The following ZNF667 variants were observed in gnomAD, a reference collection of about 807,000 sequenced individuals.
ZNF667 encodes myocardial ischemic preconditioning upregulated 1 ortholog.
A neutral mutation model predicts 31.8 loss-of-function variants in ZNF667; 13 were observed. The observed-to-expected ratio is 0.41, with a 90% confidence interval of 0.27 to 0.65. ZNF667 has a LOEUF of 0.65. ZNF667 is among the 30% of genes least tolerant of loss of function. The pLI is 0.32. For missense variants in ZNF667, 642 were observed against 725.6 expected (o/e 0.88, Z 1.32); for synonymous variants, 228 against 247.1 (o/e 0.92, Z 0.73).
At chr19:56,471,166 G>T (rs927804682) in intron 3 of ZNF667, among the ~76,000 whole-genome samples, 1 of 151,632 alleles carries the variant, frequency 6.6e-6, no homozygotes, top group Non-Finnish European at 1.5e-5. Flanking sequence ...CACCCCCCCT[G>T]CCTCTTTCTC....
intron 3 of ZNF667, among the ~76,000 whole-genome samples, chr19:56,463,427 G>C (rs1203205779): frequency 1.3e-5 from 2 of 152,178 alleles, no homozygotes; most frequent in Admixed American, 6.5e-5. Context: ...TCTCTGCCCT[G>C]TATCAGTCTA....
rs2042574641 is a variant in ZNF667 at position 56,440,215 on chromosome 19, A to G, written c.*947T>C. ...TATAAATATAGATGATTTATTTCCA[A>G]ATAAAACAATACTGATTTCTCCTGG... On this transcript the variant is annotated 3_prime_UTR_variant, in exon 7 of 7. Transcript: ENST00000504904. 1 of 152,178 alleles carries G rather than the reference A, an allele frequency of 6.6e-6. No individual in the cohort carries two copies. The highest frequency in any genetic ancestry group is 1.5e-5 in the Non-Finnish European group (1 of 68,028). The allele number at this position is 152,178 out of a possible 1,614,324, so 9.4% of individuals were successfully genotyped here. A position where few individuals can be genotyped will look rare whatever the true frequency, so the allele number is the denominator to read the frequency against.
chr19:56,455,886 T>C (rs1221729488), intron 6 of ZNF667, among the ~76,000 whole-genome samples: 2 of 152,124 alleles, frequency 1.3e-5, no homozygotes, highest in African/African-American at 2.4e-5. Flanking sequence ...CCTGTAAATA[T>C]TAATATATAC....
chr19:56,466,624 C>A (rs2043165992), intron 3 of ZNF667, among the ~76,000 whole-genome samples: 1 of 152,092 alleles, frequency 6.6e-6, no homozygotes, highest in Non-Finnish European at 1.5e-5. Flanking sequence ...CTCACAAGGC[C>A]CCTGCTATAA....
At chr19:56,476,317 G>A (rs908653899) in intron 1 of ZNF667, among the ~76,000 whole-genome samples, 9 of 152,190 alleles carry the variant, frequency 5.9e-5, no homozygotes, top group Non-Finnish European at 8.8e-5. Flanking sequence ...GAAAACTGAC[G>A]ACGCAGGTGG....
At chr19:56,463,756 G>A (rs911005514) in intron 3 of ZNF667, among the ~76,000 whole-genome samples, 3 of 152,052 alleles carry the variant, frequency 2.0e-5, no homozygotes, top group Non-Finnish European at 4.4e-5. Context: ...AAACTCCTGG[G>A]CTCAAGCAAT....
chr19:56,462,353 C>G lies in ZNF667; in HGVS notation c.18G>C (p.Gly6=). Reference sequence around the variant, plus strand: ...TGCCACTTACCTTGGATTTGGATTTCCCCCGTGCAGAAGGCATCCTTTCCT... The same window carrying G: ...TGCCACTTACCTTGGATTTGGATTTGCCCCGTGCAGAAGGCATCCTTTCCT... MPSAR[G]KSKSKAPITF... is the part of the protein sequence containing the mutation. Residue 6 remains glycine (G), a synonymous_variant, in exon 4 of 7, where the codon GGG becomes GGC. Coordinates refer to ENST00000504904, the MANE Select transcript of ZNF667 (RefSeq NM_001321356.2). 6.2e-7 allele frequency: 1 copy of G among 1,614,152 alleles called. No individual in the cohort carries two copies. The highest frequency in any genetic ancestry group is 8.5e-7 in the Non-Finnish European group (1 of 1,180,014).
intron 6 of ZNF667, among the ~76,000 whole-genome samples, chr19:56,455,990 T>C (rs2042924290): frequency 6.6e-6 from 1 of 152,142 alleles, no homozygotes; most frequent in African/African-American, 2.4e-5. Context: ...GGACAGGAGA[T>C]CCTAGGCAAG....
At chr19:56,444,650 C>G in intron 6 of ZNF667, among the ~76,000 whole-genome samples, 1 of 105,188 alleles carries the variant, frequency 9.5e-6, no homozygotes, top group African/African-American at 3.9e-5. Flanking sequence ...ACAGACCCCA[C>G]CTCCAACACT....
chr19:56,441,083 A>G lies in ZNF667; in HGVS notation c.*79T>C. On this transcript the variant is annotated 3_prime_UTR_variant, in exon 7 of 7. Transcript: ENST00000504904. The surrounding 1 kb of genome is among the most constrained non-coding windows in gnomAD (Gnocchi z 4.2). ...ATCATCAAATGGTCCCATATACACAAAATTTACATTATAGACAAATACATA... is the reference window on the plus strand; with the variant it reads ...ATCATCAAATGGTCCCATATACACAGAATTTACATTATAGACAAATACATA... 6.6e-7 allele frequency: 1 copy of G among 1,514,520 alleles called. No individual in the cohort carries two copies. Among genetic ancestry groups the G allele is most frequent in the African/African-American group, 1.4e-5 (1 of 72,044 alleles). 93.8% of individuals were successfully genotyped at this position (1,514,520 alleles called of 1,614,324 possible). A position where few individuals can be genotyped will look rare whatever the true frequency, so the allele number is the denominator to read the frequency against.
intron 2 of ZNF667, 70 bp downstream of exon 2, chr19:56,473,942 T>G (rs1473374829): frequency 6.6e-6 from 1 of 152,228 alleles, no homozygotes; most frequent in African/African-American, 2.4e-5. Flanking sequence ...CTTTGGCATT[T>G]TGTGTCATGA....
intron 3 of ZNF667, chr19:56,468,914 T>C (rs565716551): frequency 7.2e-5 from 11 of 152,342 alleles, no homozygotes; most frequent in African/African-American, 2.6e-4. Context: ...CTGCCATGGC[T>C]TCGTAGCTCT....
intron 2 of ZNF667, among the ~76,000 whole-genome samples, chr19:56,473,238 T>C (rs904429785): frequency 8.5e-5 from 13 of 152,240 alleles, no homozygotes; most frequent in African/African-American, 3.1e-4. Flanking sequence ...CCGCTATCTG[T>C]GTGGACTTAG....
At chr19:56,448,581 G>C (rs150009946) in intron 6 of ZNF667, among the ~76,000 whole-genome samples, 2 of 152,008 alleles carry the variant, frequency 1.3e-5, no homozygotes, top group Non-Finnish European at 2.9e-5. Flanking sequence ...GCTCCAAGGG[G>C]AGAGGGAAGA....
chr19:56,473,082 T>C (rs1217971969), intron 2 of ZNF667: 1 of 152,228 alleles, frequency 6.6e-6, no homozygotes, highest in Non-Finnish European at 1.5e-5. Flanking sequence ...CCTGTACATG[T>C]CTTCAGACAT....
chr19:56,448,606 G>A (rs2042754599), intron 6 of ZNF667, among the ~76,000 whole-genome samples: 1 of 149,956 alleles, frequency 6.7e-6, no homozygotes, highest in Non-Finnish European at 1.5e-5. Flanking sequence ...AGAGGACGTT[G>A]TCTTGCAACT....
At chr19:56,458,802 A>G (rs2042986322) in intron 5 of ZNF667, among the ~76,000 whole-genome samples, 1 of 152,194 alleles carries the variant, frequency 6.6e-6, no homozygotes, top group South Asian at 2.1e-4. Context: ...CATCTCTTGC[A>G]TCTGGCTGTT....
intron 6 of ZNF667, among the ~76,000 whole-genome samples, chr19:56,447,724 C>A (rs2042734682): frequency 6.6e-6 from 1 of 151,886 alleles, no homozygotes; most frequent in Non-Finnish European, 1.5e-5. Flanking sequence ...CTACTAAAAA[C>A]ACAAAAATTA....
At chr19:56,455,252 C>A (rs961487189) in intron 6 of ZNF667, among the ~76,000 whole-genome samples, 1 of 152,138 alleles carries the variant, frequency 6.6e-6, no homozygotes, top group Non-Finnish European at 1.5e-5. Context: ...CTATTGACAA[C>A]AGTATGGGGG....
Sources: allele counts gnomAD v4.1 joint callset (sites outside exome capture counted in the v4.1 genomes callset), GRCh38; gene constraint gnomAD v4.1.1; non-coding constraint Gnocchi (gnomAD v3.1); transcripts MANE v1.5; gene names NCBI Gene and HGNC (gene_info 2026-07-23, HGNC 2026-07-21).